Variants in PPP1R37 observed in about 807,000 individuals in gnomAD.
The protein encoded by PPP1R37 is leucine rich repeat containing 68.
A neutral mutation model predicts 61.0 loss-of-function variants in PPP1R37; 21 were observed. The observed-to-expected ratio is 0.34, with a 90% CI of 0.24 to 0.50. The LOEUF is 0.50. Among genes scored for constraint, PPP1R37 ranks in the 20% least tolerant of loss-of-function variants. The pLI is 0.98. For missense variants in PPP1R37, 910 were observed against 952.7 expected (o/e 0.96, Z 0.59); for synonymous variants, 443 against 433.5 (o/e 1.02, Z -0.27).
At chr19:45,094,452 T>C (rs1967966295) in intron 1 of PPP1R37, among the ~76,000 whole-genome samples, 1 of 151,454 alleles carries the variant, frequency 6.6e-6, no homozygotes, top group Non-Finnish European at 1.5e-5. Flanking sequence ...GATGGCCGGG[T>C]GCATTGGCTC....
chr19:45,098,910 T>C (rs983720183), intron 1 of PPP1R37, among the ~76,000 whole-genome samples: 12 of 152,164 alleles, frequency 7.9e-5, no homozygotes, highest in Non-Finnish European at 4.4e-5. Context: ...CTCCTGCTGC[T>C]GGAGTTGGCA....
intron 1 of PPP1R37, among the ~76,000 whole-genome samples, chr19:45,125,598 G>A (rs1410997951): frequency 1.3e-5 from 2 of 152,224 alleles, no homozygotes; most frequent in African/African-American, 4.8e-5. Flanking sequence ...TGGGAAGAGA[G>A]CTCCTCTTTC....
chr19:45,104,030 G>A (rs554807456), intron 1 of PPP1R37, among the ~76,000 whole-genome samples: 2 of 152,100 alleles, frequency 1.3e-5, no homozygotes, highest in South Asian at 2.1e-4. Flanking sequence ...CACGCCCCTC[G>A]CTAGTCCCCT....
In PPP1R37 at chr19:45,144,947, C is replaced by A. The variant is rs568909277; in HGVS notation, c.1081C>A (p.Arg361Ser). ...CCTCAAGAACGGGCTCATCAGCAAC[C>A]GCAGCGTGCTGCGCCTCGGGCTGGC... is the stretch of plus-strand genomic sequence containing the variant. ...RHLKNGLISNRSVLRLGLAST... is the reference protein window; with the variant it reads ...RHLKNGLISNSSVLRLGLAST... The change falls in exon 9 of 13, where the codon CGC (arginine) becomes AGC (serine). Residue 361 changes from arginine to serine, a missense_variant. Around this residue, in one of 3 missense-constraint regions of PPP1R37, gnomAD observed 549 missense variants for 505.1 expected, o/e 1.09. Coordinates refer to ENST00000221462, the MANE Select transcript of PPP1R37 (RefSeq NM_019121.2). 6.5e-7 allele frequency: 1 copy of A among 1,535,710 alleles called. No homozygotes were observed. Among genetic ancestry groups the A allele is most frequent in the South Asian group, 1.2e-5 (1 of 83,986 alleles).
chr19:45,128,541 C>T, intron 1 of PPP1R37: 4 of 1,185,138 alleles, frequency 3.4e-6, no homozygotes, highest in African/African-American at 1.5e-5. Flanking sequence ...AGTGTGTTTG[C>T]GAGAGCTGGA....
chr19:45,139,699 G>C (rs924019102), intron 2 of PPP1R37, among the ~76,000 whole-genome samples: 1 of 152,234 alleles, frequency 6.6e-6, no homozygotes, highest in Non-Finnish European at 1.5e-5. Context: ...CAGCTGAGAG[G>C]GTGGGTCCTT....
intron 1 of PPP1R37, chr19:45,128,906 C>T (rs558080477): frequency 3.0e-5 from 21 of 692,804 alleles, no homozygotes; most frequent in South Asian, 7.0e-5. Flanking sequence ...GGACCTTCTT[C>T]GTCTGCCAGA....
chr19:45,142,267 G>C (rs979960177), intron 6 of PPP1R37, 36 bp from the exon 7 acceptor site: 1 of 1,534,644 alleles, frequency 6.5e-7, no homozygotes, highest in Middle Eastern at 1.7e-4. Flanking sequence ...GGGGGCAGGG[G>C]CCTGCCCAGT....
rs1377808936 is a variant in PPP1R37, at chr19:45,143,472, A to C, written c.875-49A>C. On this transcript the variant is annotated intron_variant, in intron 7 of 12. Transcript: ENST00000221462. The stretch of plus-strand genomic sequence containing the variant: ...GCTCCTACCCTGCAGTCCCCTCCCC[A>C]GGAAGCACCCGGACCCCAGACAGGG... 7 of 1,187,444 alleles carry C rather than the reference A, an allele frequency of 5.9e-6. No individual in the cohort carries two copies. In the Admixed American group the frequency reaches 1.4e-4, roughly 24 times the overall value. The allele number at this position is 1,187,444 out of a possible 1,614,324, so 73.6% of individuals were successfully genotyped here. A position where few individuals can be genotyped will look rare whatever the true frequency, so the allele number is the denominator to read the frequency against.
intron 1 of PPP1R37, among the ~76,000 whole-genome samples, chr19:45,133,171 C>T (rs1434526515): frequency 6.6e-6 from 1 of 151,976 alleles, no homozygotes; most frequent in African/African-American, 2.4e-5. Context: ...TCCACCTCCA[C>T]CTCCCGGGTT....
At chr19:45,142,856 A>T in intron 7 of PPP1R37, 1 of 213,166 alleles carries the variant, frequency 4.7e-6, no homozygotes, top group East Asian at 1.3e-4. Context: ...CTGGGCTTCC[A>T]TCCGGAGGCT....
intron 3 of PPP1R37, 48 bp downstream of exon 3, chr19:45,140,329 G>C (rs1048205479): frequency 6.6e-7 from 1 of 1,512,958 alleles, no homozygotes; most frequent in East Asian, 2.5e-5. Flanking sequence ...TGGGCAGGTC[G>C]GGGGCTCCCT....
Position 45,145,361 on chromosome 19 carries a change from C to T in PPP1R37, c.1305C>T (p.Ser435=). 2 of 1,534,680 alleles carry T rather than the reference C, an allele frequency of 1.3e-6. No homozygotes were observed. The highest frequency in any genetic ancestry group is 8.7e-7 in the Non-Finnish European group (1 of 1,146,220). Residue 435 remains serine, a synonymous_variant, in exon 11 of 13, where the codon AGC becomes AGT. Coordinates refer to ENST00000221462, the MANE Select transcript of PPP1R37 (RefSeq NM_019121.2). ...DREPKKEAVK[S]FIETQKALLA... ...AGGCGCTCCCGCCACAGGTGAAGAG[C>T]TTCATCGAGACGCAGAAGGCGCTGC...
chr19:45,118,196 G>A (rs1331588119), intron 1 of PPP1R37, among the ~76,000 whole-genome samples: 2 of 152,176 alleles, frequency 1.3e-5, no homozygotes, highest in African/African-American at 2.4e-5. Context: ...CAGGCCTCCC[G>A]GCACCCAGCC....
At chr19:45,116,457 C>T (rs1968268533) in intron 1 of PPP1R37, among the ~76,000 whole-genome samples, 1 of 152,216 alleles carries the variant, frequency 6.6e-6, no homozygotes, top group South Asian at 2.1e-4. Context: ...AATGGTGGTG[C>T]CTCCCTGCCG....
chr19:45,107,487 C>A (rs190700968), intron 1 of PPP1R37, among the ~76,000 whole-genome samples: 1 of 152,190 alleles, frequency 6.6e-6, no homozygotes, highest in Admixed American at 6.5e-5. Flanking sequence ...GCCTGTAGTC[C>A]CAGCTACCTG....
At chr19:45,131,135 G>C (rs992527735) in intron 1 of PPP1R37, among the ~76,000 whole-genome samples, 6 of 152,178 alleles carry the variant, frequency 3.9e-5, no homozygotes, top group African/African-American at 1.4e-4. Context: ...CTGATGCCCG[G>C]CGTCAGGTTT....
rs76458984 is a variant in PPP1R37 at position 45,105,118 on chromosome 19, G to A, written c.202+11591G>A. Reference sequence around the variant, plus strand: ...CTGGCTCTGGGCAGGAGCGCAATATGGCAGGTGGAGAAGGAAGTGGCATGC... The same window carrying A: ...CTGGCTCTGGGCAGGAGCGCAATATAGCAGGTGGAGAAGGAAGTGGCATGC... On this transcript the variant is annotated intron_variant, in intron 1 of 12. Coordinates refer to ENST00000221462, the MANE Select transcript of PPP1R37 (RefSeq NM_019121.2). 6.0e-3 allele frequency among the ~76,000 whole-genome samples: 918 copies of A among 152,240 alleles called. 9 individuals are homozygous for A. The highest frequency in any genetic ancestry group is 0.021 in the African/African-American group (859 of 41,540).
intron 1 of PPP1R37, among the ~76,000 whole-genome samples, chr19:45,117,695 A>G (rs1968287319): frequency 6.6e-6 from 1 of 152,058 alleles, no homozygotes; most frequent in African/African-American, 2.4e-5. Flanking sequence ...TAGCCTGGAG[A>G]TTGTCCCAGC....
Sources: allele counts gnomAD v4.1 joint callset (sites outside exome capture counted in the v4.1 genomes callset), GRCh38; gene constraint gnomAD v4.1.1; regional missense constraint gnomAD v4.1.1; transcripts MANE v1.5; gene names NCBI Gene and HGNC (gene_info 2026-07-23, HGNC 2026-07-21).